ARCN1: variants seen among roughly 807,000 people sequenced by gnomAD.
ARCN1 encodes the protein archain 1 coat protein complex I subunit delta, also known as coatomer subunit delta.
A neutral mutation model predicts 60.4 loss-of-function variants in ARCN1; 5 were observed. That is an observed-to-expected ratio of 0.08 (90% CI 0.04 to 0.17). ARCN1 has a LOEUF of 0.17. Among genes scored for constraint, ARCN1 ranks in the 10% least tolerant of loss-of-function variants. The probability of loss-of-function intolerance (pLI) is 1.00; values close to 1 mark genes in which losing one functional copy is unlikely to be tolerated. For synonymous variants in ARCN1, 224 were observed against 220.0 expected, an observed-to-expected ratio of 1.02 and a Z score of -0.16; for missense variants, 464 against 626.5, an observed-to-expected ratio of 0.74 and a Z score of 2.77.
In ARCN1 at chr11:118,597,731, C is replaced by G. The variant is rs181814063; in HGVS notation, c.1266C>G (p.Ile422Met). Residue 422 changes from isoleucine (I) to methionine (M), a missense_variant, in exon 9 of 10, where the codon ATC (isoleucine) becomes ATG (methionine). Ile to Met is a conservative substitution (Grantham distance 10). Transcript: ENST00000264028. ...GGTCTGGTGTCGGCGCGCCTGTTATCGGTGAGATCGATGGGGAGTATCGAC... is the reference window on the plus strand; with the variant it reads ...GGTCTGGTGTCGGCGCGCCTGTTATGGGTGAGATCGATGGGGAGTATCGAC... ...PLPSGVGAPVIGEIDGEYRHD... is the reference protein window; with the variant it reads ...PLPSGVGAPVMGEIDGEYRHD... The G allele has an allele frequency of 6.2e-7, 1 of 1,614,152 alleles. No individual in the cohort carries two copies. Among genetic ancestry groups the G allele is most frequent in the Admixed American group, 1.7e-5 (1 of 60,024 alleles).
intron 8 of ARCN1, among the ~76,000 whole-genome samples, chr11:118,595,600 T>C (rs1323768425): frequency 1.3e-5 from 2 of 152,208 alleles, no homozygotes; most frequent in Admixed American, 6.6e-5. Context: ...CTCTACCTTA[T>C]CTTTTTAGTA....
At chr11:118,591,058 TTAAA>T (rs1938896587) in intron 6 of ARCN1, among the ~76,000 whole-genome samples, 1 of 152,248 alleles carries the variant, frequency 6.6e-6, no homozygotes, top group South Asian at 2.1e-4. Context: ...CATTCTGCTA[TTAAA>T]TAAACTGCCA....
chr11:118,572,825 C>T lies in ARCN1; in HGVS notation c.3+275C>T, dbSNP rs1159310911. 7 of 429,336 alleles carry T rather than the reference C, an allele frequency of 1.6e-5. No homozygotes were observed. In the East Asian group the frequency reaches 2.1e-4, roughly 13 times the overall value. The allele number at this position is 429,336 out of a possible 1,614,324, so 26.6% of individuals were successfully genotyped here. On this transcript the variant is annotated intron_variant, in intron 1 of 9. Coordinates refer to ENST00000264028, the MANE Select transcript of ARCN1 (RefSeq NM_001655.5). ...GCTGGGACCTGCCCCTGAGACGGCCCGGCGTTTTTGCTCTGCGAGAACTTC... is the reference window on the plus strand; with the variant it reads ...GCTGGGACCTGCCCCTGAGACGGCCTGGCGTTTTTGCTCTGCGAGAACTTC...
intron 2 of ARCN1, among the ~76,000 whole-genome samples, chr11:118,581,939 C>CAGACAG (rs1162421950): frequency 3.4e-5 from 5 of 146,464 alleles, no homozygotes; most frequent in African/African-American, 1.3e-4. Context: ...GACAGACAGA[C>CAGACAG]ACACACACAC....
chr11:118,592,759 C>T lies in ARCN1; in HGVS notation c.1035C>T (p.Gly345=). The T allele has an allele frequency of 6.2e-7, 1 of 1,613,934 alleles. No homozygotes were observed. Among genetic ancestry groups the T allele is most frequent in the Non-Finnish European group, 8.5e-7 (1 of 1,179,922 alleles). Residue 345 remains glycine (G), a synonymous_variant, in exon 7 of 10, where the codon GGC becomes GGT. Coordinates refer to ENST00000264028, the MANE Select transcript of ARCN1 (RefSeq NM_001655.5). The part of the protein sequence containing the change: ...KKLFTAESLI[G]LKNPEKSFPV... The stretch of plus-strand genomic sequence containing the variant: ...TTTTCACTGCAGAGTCTCTAATTGG[C>T]CTGAAGAATCCAGAGAAGTCATTTC...
At chr11:118,581,158 A>T in intron 1 of ARCN1, 88 bp from the exon 2 acceptor site, 1 of 1,504,670 alleles carries the variant, frequency 6.6e-7, no homozygotes, top group Admixed American at 1.8e-5. Context: ...CTAAATAAAT[A>T]TGTCATTCTA....
chr11:118,577,399 C>T (rs1294620315), intron 1 of ARCN1, among the ~76,000 whole-genome samples: 2 of 152,030 alleles, frequency 1.3e-5, no homozygotes, highest in Non-Finnish European at 2.9e-5. Flanking sequence ...ACGTGCACCA[C>T]CAGACTTGGC....
chr11:118,594,848 CTATTTT>C (rs755806729), intron 8 of ARCN1, among the ~76,000 whole-genome samples: 1 of 151,780 alleles, frequency 6.6e-6, no homozygotes, highest in Non-Finnish European at 1.5e-5. Context: ...CCGCACCTGG[CTATTTT>C]TATTTTTATT....
rs940743994 is a variant in ARCN1 at position 118,581,707 on chromosome 11, T to C, written c.267+198T>C. On this transcript the variant is annotated intron_variant, in intron 2 of 9. Transcript: ENST00000264028. ...TTAGACTATAGATGTCTCAAAAGAA[T>C]ATGGGAACTACTGTTTCATTTCCCA... 3.3e-5 allele frequency among the ~76,000 whole-genome samples: 5 copies of C among 152,160 alleles called. No individual in the cohort carries two copies. The East Asian group carries it at 5.8e-4, about 18-fold the overall frequency.
Position 118,597,826 on chromosome 11 carries a change from T to C in ARCN1, c.1361T>C (p.Leu454Pro). 1 of 1,614,174 alleles carries C rather than the reference T, an allele frequency of 6.2e-7. No individual in the cohort carries two copies. The highest frequency in any genetic ancestry group is 8.5e-7 in the Non-Finnish European group (1 of 1,180,032). ...GATGCCAAAAATAAGAGTGGCAGCC[T>C]GGAGTTTAGCATTGCTGGGCAGCCC... ...VIDAKNKSGSLEFSIAGQPND... is the reference protein window; with the variant it reads ...VIDAKNKSGSPEFSIAGQPND... Residue 454 changes from leucine (L) to proline (P), a missense_variant, in exon 9 of 10, where the codon CTG (leucine) becomes CCG (proline). Leu to Pro is a moderately conservative substitution (Grantham distance 98). Coordinates refer to ENST00000264028, the MANE Select transcript of ARCN1 (RefSeq NM_001655.5).
intron 9 of ARCN1, 138 bp downstream of exon 9, chr11:118,598,049 C>T: frequency 2.7e-6 from 2 of 753,554 alleles, no homozygotes; most frequent in Non-Finnish European, 4.2e-6. Context: ...ACAGGAATTC[C>T]CTTTCTAATT....
At chr11:118,598,129 A>G (rs1939069566) in intron 9 of ARCN1, among the ~76,000 whole-genome samples, 1 of 152,184 alleles carries the variant, frequency 6.6e-6, no homozygotes, top group South Asian at 2.1e-4. Flanking sequence ...AGACAAAGTA[A>G]AGAAATGGAA....
At position 118,593,605 on chromosome 11, in the gene ARCN1, C is replaced by T. The variant is rs781854189; in HGVS notation, c.1148C>T (p.Ser383Leu). 12 of 1,612,014 alleles carry T rather than the reference C, an allele frequency of 7.4e-6. No homozygotes were observed. Among genetic ancestry groups the T allele is most frequent in the South Asian group, 1.1e-5 (1 of 91,024 alleles). ...TTCTCCTCAGTTAATTGCTGGCCCT[C>T]GGAGAGTGGAAATGGCTGTGATGTC... is the stretch of plus-strand genomic sequence containing the variant. Reference protein sequence around the residue: ...FIPLTINCWPSESGNGCDVNI... With the variant: ...FIPLTINCWPLESGNGCDVNI... Residue 383 changes from serine (S) to leucine (L), a missense_variant, in exon 8 of 10, where the codon TCG (serine) becomes TTG (leucine). Ser to Leu is a moderately radical substitution (Grantham distance 145). Around this residue, in one of 2 missense-constraint regions of ARCN1, gnomAD observed 359 missense variants for 440.2 expected, o/e 0.82. Coordinates refer to ENST00000264028, the MANE Select transcript of ARCN1 (RefSeq NM_001655.5).
chr11:118,578,323 G>T (rs1938571331), intron 1 of ARCN1, among the ~76,000 whole-genome samples: 1 of 151,882 alleles, frequency 6.6e-6, no homozygotes, highest in Non-Finnish European at 1.5e-5. Context: ...AACTCCAGTT[G>T]GAAACCTAAG....
rs782524829 is a variant in ARCN1 at position 118,592,799 on chromosome 11, G to A, written c.1075G>A (p.Val359Ile). 3.7e-6 allele frequency: 6 copies of A among 1,614,008 alleles called. No individual in the cohort carries two copies. The highest frequency in any genetic ancestry group is 2.2e-5 in the East Asian group (1 of 44,874). The stretch of plus-strand genomic sequence containing the variant: ...GAAGTCATTTCCAGTCAACAGTGAC[G>A]TAGGGGTGCTAAAGTGGAGACTACA... ...PEKSFPVNSDVGVLKWRLQTT... is the reference protein window; with the variant it reads ...PEKSFPVNSDIGVLKWRLQTT... Residue 359 changes from valine (V) to isoleucine (I), a missense_variant, in exon 7 of 10, where the codon GTA (valine) becomes ATA (isoleucine). Coordinates refer to ENST00000264028, the MANE Select transcript of ARCN1 (RefSeq NM_001655.5).
chr11:118,584,523 A>G lies in ARCN1; in HGVS notation c.697A>G (p.Lys233Glu). 2 of 1,613,854 alleles carry G rather than the reference A, an allele frequency of 1.2e-6. No individual in the cohort carries two copies. Among genetic ancestry groups the G allele is most frequent in the South Asian group, 1.1e-5 (1 of 90,976 alleles). ...SKALKLGAKG[K>E]EVDNFVDKLK... ...GGCTTTAAAACTTGGAGCCAAAGGA[A>G]AGGAAGTAGATAACTTTGTGGACAA... The change falls in exon 5 of 10, where the codon AAG (lysine) becomes GAG (glutamate). Residue 233 changes from lysine to glutamate, a missense_variant. Coordinates refer to ENST00000264028, the MANE Select transcript of ARCN1 (RefSeq NM_001655.5).
chr11:118,574,928 G>C (rs544753787), intron 1 of ARCN1, among the ~76,000 whole-genome samples: 1 of 151,940 alleles, frequency 6.6e-6, no homozygotes, highest in Non-Finnish European at 1.5e-5. Context: ...GCCTTGATTT[G>C]ATCTTTTTTT....
At chr11:118,584,320 T>C (rs1938728965) in intron 4 of ARCN1, among the ~76,000 whole-genome samples, 160 bp from the exon 5 acceptor site, 1 of 152,224 alleles carries the variant, frequency 6.6e-6, no homozygotes, top group Non-Finnish European at 1.5e-5. Context: ...TTGATGTTCA[T>C]TGATTGATTT....
In ARCN1 at chr11:118,601,728, G is replaced by C. The variant is rs1939152851; in HGVS notation, c.*1014G>C. The C allele has an allele frequency of 1.4e-6, 1 of 702,758 alleles. No homozygotes were observed. The highest frequency in any genetic ancestry group is 2.6e-6 in the Non-Finnish European group (1 of 384,990). The allele number at this position is 702,758 out of a possible 1,614,324, so 43.5% of individuals were successfully genotyped here. A position where few individuals can be genotyped will look rare whatever the true frequency, so the allele number is the denominator to read the frequency against. ...TTTCAGGGCCTGTCCTTCCAGTTTAGAACAGTACCATGAATCCCACTTGTG... is the reference window on the plus strand; with the variant it reads ...TTTCAGGGCCTGTCCTTCCAGTTTACAACAGTACCATGAATCCCACTTGTG... On this transcript the variant is annotated 3_prime_UTR_variant, in exon 10 of 10. Transcript: ENST00000264028.
Sources: allele counts gnomAD v4.1 joint callset (sites outside exome capture counted in the v4.1 genomes callset), GRCh38; gene constraint gnomAD v4.1.1; regional missense constraint gnomAD v4.1.1; transcripts MANE v1.5; gene names NCBI Gene and HGNC (gene_info 2026-07-23, HGNC 2026-07-21).